Variants in GIPC2 observed in about 807,000 individuals in gnomAD.
The protein encoded by GIPC2 is GIPC PDZ domain containing family member 2, also known as PDZ domain-containing protein GIPC2.
In GIPC2, 30 loss-of-function variants were observed where a neutral mutation model predicts 30.6. The observed-to-expected ratio is 0.98, with a 90% CI of 0.73 to 1.33. GIPC2 has a LOEUF of 1.33. Among genes scored for constraint, GIPC2 ranks in the 40% most tolerant of loss-of-function variants. The pLI is 0.00. For synonymous variants in GIPC2, 167 were observed against 150.0 expected (o/e 1.11, Z -0.83); for missense variants, 414 against 390.3 (o/e 1.06, Z -0.51).
At chr1:78,089,179 G>A (rs1246199050) in intron 2 of GIPC2, 1 of 152,260 alleles carries the variant, frequency 6.6e-6, no homozygotes, top group Non-Finnish European at 1.5e-5. Context: ...ATTCCACGGT[G>A]AGAGAGGCAT....
chr1:78,126,886 G>T (rs1003895692), intron 5 of GIPC2, among the ~76,000 whole-genome samples: 1 of 152,164 alleles, frequency 6.6e-6, no homozygotes, highest in African/African-American at 2.4e-5. Flanking sequence ...AGTCACTGAG[G>T]CCAAGAGGAT....
At chr1:78,098,787 G>A (rs1210841094) in intron 3 of GIPC2, among the ~76,000 whole-genome samples, 1 of 152,110 alleles carries the variant, frequency 6.6e-6, no homozygotes, top group Non-Finnish European at 1.5e-5. Context: ...TATTAGAAGA[G>A]GAAATTTAGA....
intron 4 of GIPC2, among the ~76,000 whole-genome samples, chr1:78,121,288 T>C (rs1468310860): frequency 6.6e-6 from 1 of 152,030 alleles, no homozygotes; most frequent in Non-Finnish European, 1.5e-5. Flanking sequence ...GCAGATGGGA[T>C]GTCGAGCAGG....
chr1:78,118,447 A>G (rs1242861789), intron 3 of GIPC2, among the ~76,000 whole-genome samples: 2 of 151,734 alleles, frequency 1.3e-5, no homozygotes, highest in Admixed American at 6.6e-5. Context: ...ATTTCTTCCA[A>G]TTATCCTCTT....
chr1:78,102,608 T>A (rs1413799347), intron 3 of GIPC2, among the ~76,000 whole-genome samples: 1 of 152,240 alleles, frequency 6.6e-6, no homozygotes, highest in East Asian at 1.9e-4. Context: ...GACTGGCTTA[T>A]GATATGTGAC....
chr1:78,056,767 A>G (rs1235947054), intron 1 of GIPC2, among the ~76,000 whole-genome samples: 1 of 152,216 alleles, frequency 6.6e-6, no homozygotes, highest in African/African-American at 2.4e-5. Flanking sequence ...CTTGCACCCA[A>G]GAGTAACAAC....
chr1:78,095,699 A>G (rs1035076116), intron 3 of GIPC2, among the ~76,000 whole-genome samples: 2 of 152,082 alleles, frequency 1.3e-5, no homozygotes, highest in Non-Finnish European at 1.5e-5. Flanking sequence ...CTGTATTCCA[A>G]CTGTTGTTCA....
chr1:78,102,939 A>G (rs1662274761), intron 3 of GIPC2, among the ~76,000 whole-genome samples: 1 of 152,258 alleles, frequency 6.6e-6, no homozygotes, highest in South Asian at 2.1e-4. Context: ...ACAGATGGCA[A>G]TATCACATCT....
At chr1:78,045,894 C>A, upstream of GIPC2, 1 of 1,327,342 alleles carries the variant, frequency 7.5e-7, no homozygotes, top group Non-Finnish European at 9.6e-7. Context: ...AGATCCATCC[C>A]GGGGGAGGCT....
In GIPC2 at chr1:78,080,880, AG is replaced by A; in HGVS notation, c.426+21del. On this transcript the variant is annotated intron_variant, in intron 2 of 5. Transcript: ENST00000370759. ...ATAAAGGTAAGTTTTAAAAAATAAC[AG>A]TGTAACCTAATTGAGGATAACATTT... is the stretch of plus-strand genomic sequence containing the variant. 1 of 1,417,260 alleles carries A rather than the reference AG, an allele frequency of 7.1e-7. No homozygotes were observed. Among genetic ancestry groups the A allele is most frequent in the Non-Finnish European group, 9.7e-7 (1 of 1,034,984 alleles). The allele number at this position is 1,417,260 out of a possible 1,614,324, so 87.8% of individuals were successfully genotyped here. A position where few individuals can be genotyped will look rare whatever the true frequency, so the allele number is the denominator to read the frequency against.
At chr1:78,108,967 T>A (rs1662413293) in intron 3 of GIPC2, among the ~76,000 whole-genome samples, 1 of 152,188 alleles carries the variant, frequency 6.6e-6, no homozygotes, top group Non-Finnish European at 1.5e-5. Flanking sequence ...GATGCTGGCA[T>A]TAGCAAAGCT....
chr1:78,099,900 C>G (rs1662208760), intron 3 of GIPC2, among the ~76,000 whole-genome samples: 1 of 151,392 alleles, frequency 6.6e-6, no homozygotes, highest in Non-Finnish European at 1.5e-5. Context: ...ACCTTGTTTG[C>G]CAGTGTTTTT....
chr1:78,127,941 G>A (rs574236331), intron 5 of GIPC2, among the ~76,000 whole-genome samples: 185 of 152,196 alleles, frequency 1.2e-3, no homozygotes, highest in African/African-American at 4.3e-3. Context: ...CCCCTGTCTC[G>A]TCTGTCAAAG....
In GIPC2 at chr1:78,080,734, A is replaced by T. The variant is rs761033050; in HGVS notation, c.300A>T (p.Gln100His). 1 of 1,609,294 alleles carries T rather than the reference A, an allele frequency of 6.2e-7. No homozygotes were observed. The highest frequency in any genetic ancestry group is 1.1e-5 in the South Asian group (1 of 90,962). Reference protein sequence around the residue: ...KIDMERLLGGQLGLEDFIFAH... With the variant: ...KIDMERLLGGHLGLEDFIFAH... ...ACATGGAAAGACTCTTAGGAGGACA[A>T]CTAGGACTAGAAGATTTCATATTTG... is the stretch of plus-strand genomic sequence containing the variant. Residue 100 changes from glutamine to histidine, a missense_variant, in exon 2 of 6, where the codon CAA (glutamine) becomes CAT (histidine). By Grantham distance (24) the Gln-to-His change is conservative. Coordinates refer to ENST00000370759, the MANE Select transcript of GIPC2 (RefSeq NM_017655.6).
At chr1:78,110,408 T>G (rs1157055661) in intron 3 of GIPC2, among the ~76,000 whole-genome samples, 1 of 152,196 alleles carries the variant, frequency 6.6e-6, no homozygotes, top group African/African-American at 2.4e-5. Flanking sequence ...TGCAACTAAT[T>G]AAAAAATTTG....
chr1:78,127,999 C>T (rs956018374), intron 5 of GIPC2, among the ~76,000 whole-genome samples: 8 of 149,288 alleles, frequency 5.4e-5, no homozygotes, highest in African/African-American at 1.7e-4. Context: ...GCCCTGAGAA[C>T]TTTTAAAATA....
At chr1:78,078,106 T>G (rs1457378918) in intron 1 of GIPC2, among the ~76,000 whole-genome samples, 1 of 136,708 alleles carries the variant, frequency 7.3e-6, no homozygotes, top group African/African-American at 2.8e-5. Context: ...GAGAATGGCG[T>G]GAACCCGGGA....
At chr1:78,106,370 G>A (rs538884672) in intron 3 of GIPC2, among the ~76,000 whole-genome samples, 76 of 151,780 alleles carry the variant, frequency 5.0e-4, no homozygotes, top group Non-Finnish European at 8.4e-4. Flanking sequence ...CCATCCTGGC[G>A]AACACTGTTA....
chr1:78,060,237 T>C (rs1661367900), intron 1 of GIPC2, among the ~76,000 whole-genome samples: 1 of 152,006 alleles, frequency 6.6e-6, no homozygotes, highest in Non-Finnish European at 1.5e-5. Flanking sequence ...CTCAACCTCC[T>C]AGGCTCAAGT....
Sources: gnomAD v4.1 joint callset for allele counts (sites outside exome capture counted in the v4.1 genomes callset) on GRCh38, gnomAD v4.1.1 for gene constraint, MANE v1.5 for transcripts, NCBI Gene and HGNC (gene_info 2026-07-23, HGNC 2026-07-21) for gene names.